The following GABRB3 variants were observed in gnomAD, a reference collection of about 807,000 sequenced individuals.
The protein encoded by GABRB3 is gamma-aminobutyric acid receptor subunit beta-3.
A neutral mutation model predicts 52.1 loss-of-function variants in GABRB3; 14 were observed. The ratio of observed to expected loss-of-function variants is 0.27; its 90% CI spans 0.18 to 0.42. The LOEUF is 0.42. GABRB3 is among the 10% of genes least tolerant of loss of function. The pLI is 1.00. For synonymous variants in GABRB3, 260 were observed against 232.3 expected (o/e 1.12, Z -1.08); for missense variants, 307 against 609.1 (o/e 0.50, Z 5.22).
intron 3 of GABRB3, among the ~76,000 whole-genome samples, chr15:26,728,089 G>A (rs1388840014): frequency 6.6e-6 from 1 of 152,112 alleles, no homozygotes; most frequent in Non-Finnish European, 1.5e-5. Flanking sequence ...AGACCATCCA[G>A]ATACACTGCA....
At chr15:26,630,503 G>A (rs929546212) in intron 3 of GABRB3, among the ~76,000 whole-genome samples, 3 of 152,174 alleles carry the variant, frequency 2.0e-5, no homozygotes, top group African/African-American at 4.8e-5. Context: ...AAGATGTCTT[G>A]AATCAATACC....
chr15:26,711,307 T>G (rs576558764), intron 3 of GABRB3, among the ~76,000 whole-genome samples: 1 of 152,312 alleles, frequency 6.6e-6, no homozygotes, highest in Non-Finnish European at 1.5e-5. Context: ...TGTATTTTCC[T>G]AAGCAATAAG....
chr15:26,713,030 C>A (rs1421838384), intron 3 of GABRB3, among the ~76,000 whole-genome samples: 2 of 152,160 alleles, frequency 1.3e-5, no homozygotes, highest in Non-Finnish European at 2.9e-5. Flanking sequence ...TGGGGGAGTT[C>A]CAGGGTCAGG....
intron 3 of GABRB3, among the ~76,000 whole-genome samples, chr15:26,659,802 G>C (rs1428177864): frequency 6.6e-6 from 1 of 152,066 alleles, no homozygotes; most frequent in African/African-American, 2.4e-5. Context: ...GCCTGCACTG[G>C]GCCACCCATG....
intron 7 of GABRB3, among the ~76,000 whole-genome samples, chr15:26,562,529 C>G (rs948341460): frequency 2.6e-4 from 40 of 152,232 alleles, no homozygotes; most frequent in African/African-American, 9.2e-4. Flanking sequence ...TCAGCACTGT[C>G]CAGATATGTA....
chr15:26,680,209 C>T (rs1336466429), intron 3 of GABRB3, among the ~76,000 whole-genome samples: 1 of 152,204 alleles, frequency 6.6e-6, no homozygotes, highest in Non-Finnish European at 1.5e-5. Context: ...CAGCTCTTTC[C>T]AGGGTCTCTA....
chr15:26,631,885 T>C (rs1892921273), intron 3 of GABRB3, among the ~76,000 whole-genome samples: 1 of 152,192 alleles, frequency 6.6e-6, no homozygotes, highest in Non-Finnish European at 1.5e-5. Context: ...CTTTAAGCAT[T>C]GATTATCTAC....
chr15:26,632,850 T>G (rs1349526808), intron 3 of GABRB3, among the ~76,000 whole-genome samples: 1 of 152,222 alleles, frequency 6.6e-6, no homozygotes, highest in African/African-American at 2.4e-5. Context: ...GATCTAACAA[T>G]GCTTAACACA....
In GABRB3 at chr15:26,669,604, G is replaced by GTC. The variant is rs141362402; in HGVS notation, c.241-48072_241-48071dup. ...ACAGCCTCTTTCCAAGACTCACTCT[G>GTC]TCTCTCTCTCTCTCTCTCTCCCCAC... On this transcript the variant is annotated intron_variant, in intron 3 of 8. Coordinates refer to ENST00000311550, the MANE Select transcript of GABRB3 (RefSeq NM_000814.6). Among the ~76,000 whole-genome samples, 183 of 148,838 alleles carry GTC rather than the reference G, an allele frequency of 1.2e-3. 1 individual carries two copies. Among genetic ancestry groups the GTC allele is most frequent in the Middle Eastern group, 3.5e-3 (1 of 284 alleles).
chr15:26,715,050 C>T (rs1889423638), intron 3 of GABRB3, among the ~76,000 whole-genome samples: 1 of 152,078 alleles, frequency 6.6e-6, no homozygotes, highest in South Asian at 2.1e-4. Flanking sequence ...GTAAATATAT[C>T]CATACTGAGG....
intron 3 of GABRB3, among the ~76,000 whole-genome samples, chr15:26,643,638 G>GTA (rs1893272742): frequency 3.3e-5 from 5 of 152,020 alleles, no homozygotes. Flanking sequence ...GTGTGTGTGT[G>GTA]TGTGTGTGTG....
intron 4 of GABRB3, among the ~76,000 whole-genome samples, chr15:26,587,435 A>C (rs1891034950): frequency 6.6e-6 from 1 of 152,172 alleles, no homozygotes; most frequent in Non-Finnish European, 1.5e-5. Flanking sequence ...AAAAAGAGAG[A>C]GAGTAGGGGT....
At chr15:26,696,034 C>T (rs971155269) in intron 3 of GABRB3, among the ~76,000 whole-genome samples, 8 of 152,136 alleles carry the variant, frequency 5.3e-5, no homozygotes, top group African/African-American at 1.9e-4. Flanking sequence ...CGAAGCAAAA[C>T]CGGAAACAAA....
chr15:26,588,218 G>A (rs945148021), intron 4 of GABRB3, among the ~76,000 whole-genome samples: 2 of 152,148 alleles, frequency 1.3e-5, no homozygotes, highest in Non-Finnish European at 2.9e-5. Context: ...AGAGACAGAG[G>A]ACTGAGGACT....
chr15:26,606,836 A>AGATATATC (rs1891853281), intron 4 of GABRB3, among the ~76,000 whole-genome samples: 17 of 107,850 alleles, frequency 1.6e-4, no homozygotes, highest in Admixed American at 4.3e-4. Flanking sequence ...ATAGATAGAT[A>AGATATATC]GATAGATATG....
chr15:26,752,861 C>T (rs569371200), intron 3 of GABRB3, among the ~76,000 whole-genome samples: 43 of 152,236 alleles, frequency 2.8e-4, no homozygotes, highest in African/African-American at 1.0e-3. Flanking sequence ...CAACATCTGG[C>T]TCTGTCTGCC....
chr15:26,564,005 A>G (rs1458640971), intron 7 of GABRB3, among the ~76,000 whole-genome samples: 3 of 152,214 alleles, frequency 2.0e-5, no homozygotes, highest in Non-Finnish European at 4.4e-5. Context: ...TTTTATCAGT[A>G]TACGTTTTTA....
intron 4 of GABRB3, among the ~76,000 whole-genome samples, chr15:26,601,341 C>G (rs2140500760): frequency 6.6e-6 from 1 of 151,894 alleles, no homozygotes; most frequent in Non-Finnish European, 1.5e-5. Context: ...ACCCGGGAGG[C>G]AGAGGTGGCA....
At chr15:26,605,580 A>G (rs1281298796) in intron 4 of GABRB3, among the ~76,000 whole-genome samples, 1 of 152,214 alleles carries the variant, frequency 6.6e-6, no homozygotes, top group East Asian at 1.9e-4. Flanking sequence ...ACTTGTGTAT[A>G]AGTCCAAGTC....
Sources: allele counts gnomAD v4.1 joint callset (sites outside exome capture counted in the v4.1 genomes callset), GRCh38; gene constraint gnomAD v4.1.1; transcripts MANE v1.5; gene names NCBI Gene and HGNC (gene_info 2026-07-23, HGNC 2026-07-21).